Variants in KCNIP4 observed in about 807,000 individuals in gnomAD.
The protein encoded by KCNIP4 is Kv channel-interacting protein 4.
In KCNIP4, 12 loss-of-function variants were observed where a neutral mutation model predicts 34.0. The observed-to-expected ratio is 0.35, with a 90% CI of 0.23 to 0.57. The LOEUF is 0.57. Among genes scored for constraint, KCNIP4 ranks in the 20% least tolerant of loss-of-function variants. The pLI is 0.83. For missense variants in KCNIP4, 238 were observed against 311.7 expected (o/e 0.76, Z 1.78); for synonymous variants, 124 against 102.2 (o/e 1.21, Z -1.29).
intron 3 of KCNIP4, among the ~76,000 whole-genome samples, chr4:20,819,066 TAG>T (rs1416391396): frequency 6.6e-6 from 1 of 151,882 alleles, no homozygotes; most frequent in Non-Finnish European, 1.5e-5. Flanking sequence ...GTATTTTTAG[TAG>T]AGACAGGGTT....
intron 1 of KCNIP4, among the ~76,000 whole-genome samples, chr4:21,247,457 G>GCCCC (rs1760293642): frequency 6.6e-6 from 1 of 151,260 alleles, no homozygotes; most frequent in African/African-American, 2.4e-5. Context: ...CATGAACTAA[G>GCCCC]AGAGACAGGT....
intron 1 of KCNIP4, among the ~76,000 whole-genome samples, chr4:20,927,481 G>A (rs1030725931): frequency 7.2e-5 from 11 of 152,048 alleles, no homozygotes; most frequent in African/African-American, 2.7e-4. Flanking sequence ...GAAAATTCAA[G>A]GATATTTATC....
intron 1 of KCNIP4, among the ~76,000 whole-genome samples, chr4:21,735,680 G>T (rs1715943490): frequency 6.6e-6 from 1 of 152,098 alleles, no homozygotes; most frequent in Non-Finnish European, 1.5e-5. Context: ...TGAGAACATG[G>T]AACCTAGGTC....
chr4:21,385,258 A>G (rs1220754729), intron 1 of KCNIP4, among the ~76,000 whole-genome samples: 1 of 152,216 alleles, frequency 6.6e-6, no homozygotes, highest in South Asian at 2.1e-4. Flanking sequence ...TCTATTTACC[A>G]GACTATGAGA....
chr4:21,663,840 G>A (rs1326484305), intron 1 of KCNIP4, among the ~76,000 whole-genome samples: 1 of 152,130 alleles, frequency 6.6e-6, no homozygotes, highest in Non-Finnish European at 1.5e-5. Context: ...CTATTTTGTT[G>A]GTATGATATC....
At chr4:21,041,230 T>TCTCACA (rs1741929885) in intron 1 of KCNIP4, among the ~76,000 whole-genome samples, 2 of 144,650 alleles carry the variant, frequency 1.4e-5, no homozygotes, top group Admixed American at 7.0e-5. Flanking sequence ...GATATATATT[T>TCTCACA]CACACACACA....
At chr4:20,800,247 A>G (rs1578648049) in intron 3 of KCNIP4, among the ~76,000 whole-genome samples, 1 of 152,196 alleles carries the variant, frequency 6.6e-6, no homozygotes, top group East Asian at 1.9e-4. Flanking sequence ...CAGCCACTGC[A>G]CTTTGCCCAA....
At chr4:21,746,487 G>A (rs1716783264) in intron 1 of KCNIP4, among the ~76,000 whole-genome samples, 1 of 151,916 alleles carries the variant, frequency 6.6e-6, no homozygotes, top group Admixed American at 6.6e-5. Flanking sequence ...AATGCTATTG[G>A]CAGGAGTGTA....
At chr4:21,750,566 G>T (rs1478148370) in intron 1 of KCNIP4, among the ~76,000 whole-genome samples, 1 of 152,108 alleles carries the variant, frequency 6.6e-6, no homozygotes, top group Non-Finnish European at 1.5e-5. Context: ...GAGGAAAGTG[G>T]CTAATTATAA....
intron 1 of KCNIP4, among the ~76,000 whole-genome samples, chr4:21,195,120 A>G (rs1755963617): frequency 6.6e-6 from 1 of 152,178 alleles, no homozygotes; most frequent in Admixed American, 6.5e-5. Flanking sequence ...GCACTTGTCC[A>G]GGAAATCTTC....
chr4:21,859,718 TG>T (rs1412143482), intron 1 of KCNIP4, among the ~76,000 whole-genome samples: 3 of 152,234 alleles, frequency 2.0e-5, no homozygotes, highest in Admixed American at 2.0e-4. Context: ...TATCAATTAG[TG>T]TCTGAATGGA....
chr4:21,336,849 T>C (rs1467954245), intron 1 of KCNIP4, among the ~76,000 whole-genome samples: 1 of 152,136 alleles, frequency 6.6e-6, no homozygotes, highest in Non-Finnish European at 1.5e-5. Flanking sequence ...CTTATAAGAC[T>C]GGAGGAGATG....
At chr4:20,751,465 ACTT>A (rs951314213) in intron 4 of KCNIP4, among the ~76,000 whole-genome samples, 1 of 152,080 alleles carries the variant, frequency 6.6e-6, no homozygotes, top group African/African-American at 2.4e-5. Context: ...TTTTTCATGT[ACTT>A]CTTGAACTAT....
chr4:21,279,030 A>G (rs1762611673), intron 1 of KCNIP4, among the ~76,000 whole-genome samples: 1 of 152,204 alleles, frequency 6.6e-6, no homozygotes, highest in Admixed American at 6.6e-5. Flanking sequence ...GATAATCCTC[A>G]TGTTCCATAT....
intron 1 of KCNIP4, among the ~76,000 whole-genome samples, chr4:21,063,120 A>G (rs886913465): frequency 5.3e-5 from 8 of 152,108 alleles, no homozygotes; most frequent in Non-Finnish European, 1.2e-4. Flanking sequence ...ATATCAGGCT[A>G]CCAGATGCTA....
intron 1 of KCNIP4, among the ~76,000 whole-genome samples, chr4:21,405,580 C>G (rs1218422654): frequency 2.6e-5 from 4 of 152,188 alleles, no homozygotes; most frequent in African/African-American, 7.2e-5. Flanking sequence ...AGTTCAGCAA[C>G]TTGCTTTTCC....
chr4:20,996,341 A>G lies in KCNIP4; in HGVS notation c.62-113632T>C, dbSNP rs140407988. ...TAATTTCCCTGCTTACAGTCCCTCA[A>G]TAGCTGTCCATTATATTCGGGATAA... On this transcript the variant is annotated intron_variant, in intron 1 of 8. Transcript: ENST00000382152. Among the ~76,000 whole-genome samples the G allele has an allele frequency of 7.2e-5, 11 of 152,254 alleles. No individual in the cohort carries two copies. In the East Asian group the frequency reaches 1.9e-3, roughly 27 times the overall value.
chr4:21,060,730 G>C (rs1312682120), intron 1 of KCNIP4, among the ~76,000 whole-genome samples: 1 of 152,298 alleles, frequency 6.6e-6, no homozygotes, highest in South Asian at 2.1e-4. Context: ...AGTACTCAGA[G>C]TCCTGAAGAG....
chr4:21,763,408 C>A (rs898404668), intron 1 of KCNIP4, among the ~76,000 whole-genome samples: 7 of 152,122 alleles, frequency 4.6e-5, no homozygotes, highest in African/African-American at 1.7e-4. Flanking sequence ...TTTAATCATT[C>A]CTTTCTTTTT....
Sources: gnomAD v4.1 joint callset for allele counts (sites outside exome capture counted in the v4.1 genomes callset) on GRCh38, gnomAD v4.1.1 for gene constraint, MANE v1.5 for transcripts, NCBI Gene and HGNC (gene_info 2026-07-23, HGNC 2026-07-21) for gene names.